The following ANO3 variants were observed in gnomAD, a reference collection of about 807,000 sequenced individuals.
The protein encoded by ANO3 is anoctamin 3, also known as anoctamin-3.
A neutral mutation model predicts 144.8 loss-of-function variants in ANO3; 99 were observed. The ratio of observed to expected loss-of-function variants is 0.68; its 90% CI spans 0.58 to 0.81. The LOEUF (loss-of-function observed/expected upper bound fraction) is 0.81, where lower values mean the gene tolerates loss of function less well. Among genes scored for constraint, ANO3 ranks in the 30% least tolerant of loss-of-function variants. The pLI, the probability that ANO3 is intolerant of heterozygous loss-of-function variation, is 0.00. For synonymous variants in ANO3, 414 were observed against 392.6 expected, an observed-to-expected ratio of 1.05 and a Z score of -0.64; for missense variants, 905 against 1,202.2, an observed-to-expected ratio of 0.75 and a Z score of 3.66.
intron 18 of ANO3, among the ~76,000 whole-genome samples, chr11:26,627,852 T>TGC (rs1554981578): frequency 1.1e-4 from 15 of 137,144 alleles, no homozygotes; most frequent in Admixed American, 7.2e-4. Context: ...TGTGTGTGTG[T>TGC]GTGCGCCTGA....
intron 4 of ANO3, among the ~76,000 whole-genome samples, chr11:26,465,255 G>T (rs1394958050): frequency 1.4e-5 from 2 of 145,652 alleles, no homozygotes; most frequent in East Asian, 4.1e-4. Context: ...AACTTCCTAT[G>T]GTTCAAATGA....
intron 1 of ANO3, among the ~76,000 whole-genome samples, chr11:26,344,898 A>G (rs1855461128): frequency 6.6e-6 from 1 of 152,194 alleles, no homozygotes; most frequent in African/African-American, 2.4e-5. Flanking sequence ...TAAATCATGG[A>G]TAGAAGTTAC....
chr11:26,652,136 G>T (rs1039947867), intron 24 of ANO3, among the ~76,000 whole-genome samples: 1 of 152,168 alleles, frequency 6.6e-6, no homozygotes. Flanking sequence ...CTGCACTCAT[G>T]CAGCTGCATG....
intron 8 of ANO3, among the ~76,000 whole-genome samples, chr11:26,533,579 G>A (rs933109667): frequency 3.9e-5 from 6 of 152,130 alleles, no homozygotes; most frequent in Non-Finnish European, 8.8e-5. Context: ...CACACTAAAA[G>A]TAAGGGAGTG....
rs553465497 is a variant in ANO3, at chr11:26,275,071, G to A, written c.155-34574G>A. Reference sequence around the variant, plus strand: ...ATCAATATGGTCATTGATTTCAGAGGAATTTTCTGTAAATTCTTTGATTTT... The same window carrying A: ...ATCAATATGGTCATTGATTTCAGAGAAATTTTCTGTAAATTCTTTGATTTT... On this transcript the variant is annotated intron_variant, in intron 1 of 27. Coordinates refer to the ANO3 transcript ENST00000672621. Among the ~76,000 whole-genome samples, 4 of 151,840 alleles carry A rather than the reference G, an allele frequency of 2.6e-5. No individual in the cohort carries two copies. In the South Asian group the frequency reaches 8.3e-4, roughly 32 times the overall value.
At chr11:26,243,708 G>A (rs1324801487) in intron 1 of ANO3, among the ~76,000 whole-genome samples, 1 of 152,094 alleles carries the variant, frequency 6.6e-6, no homozygotes, top group African/African-American at 2.4e-5. Flanking sequence ...AAGATGTTAT[G>A]GAGGAATAGA....
At chr11:26,620,809 A>G (rs938956497) in intron 17 of ANO3, among the ~76,000 whole-genome samples, 1 of 152,218 alleles carries the variant, frequency 6.6e-6, no homozygotes, top group Admixed American at 6.5e-5. Context: ...GTTACCAATT[A>G]CAGTGCAAAT....
chr11:26,236,648 C>A (rs1041203364), intron 1 of ANO3, among the ~76,000 whole-genome samples: 14 of 151,866 alleles, frequency 9.2e-5, no homozygotes, highest in Non-Finnish European at 1.9e-4. Flanking sequence ...GAAACCCTGT[C>A]TCTACTAAAA....
chr11:26,504,800 G>T (rs1340629538), intron 4 of ANO3, among the ~76,000 whole-genome samples: 16 of 20,792 alleles, frequency 7.7e-4, no homozygotes, highest in African/African-American at 1.8e-3. Context: ...AAGGCGGGCA[G>T]ATCACAAAGT....
intron 9 of ANO3, among the ~76,000 whole-genome samples, chr11:26,536,317 TCA>T (rs1849508721): frequency 7.2e-6 from 1 of 138,714 alleles, no homozygotes. Flanking sequence ...AGACTCTGTC[TCA>T]AAAAAAAAAA....
rs1245354677 is a variant in ANO3, at chr11:26,293,545, A to ATATC, written c.155-16097_155-16096insCTAT. 8.3e-5 allele frequency among the ~76,000 whole-genome samples: 10 copies of ATATC among 120,858 alleles called. No homozygotes were observed. The East Asian group carries it at 2.5e-3, about 30-fold the overall frequency. 79.3% of individuals were successfully genotyped at this position (120,858 alleles called of 152,430 possible). A position where few individuals can be genotyped will look rare whatever the true frequency, so the allele number is the denominator to read the frequency against. Reference sequence around the variant, plus strand: ...CTATAAATTCCATGTATATATATATATATATATATATATATATATATATAT... The same window carrying ATATC: ...CTATAAATTCCATGTATATATATATATATCTATATATATATATATATATATATAT... On this transcript the variant is annotated intron_variant, in intron 1 of 27. Coordinates refer to the ANO3 transcript ENST00000672621.
intron 14 of ANO3, among the ~76,000 whole-genome samples, chr11:26,574,678 A>G (rs1033776987): frequency 2.6e-5 from 4 of 152,128 alleles, no homozygotes; most frequent in African/African-American, 9.7e-5. Context: ...TCAATATTCT[A>G]TTAGGATAGA....
chr11:26,571,834 T>G (rs1437710686), intron 14 of ANO3, among the ~76,000 whole-genome samples: 1 of 152,154 alleles, frequency 6.6e-6, no homozygotes, highest in African/African-American at 2.4e-5. Flanking sequence ...TAAAGCTAAC[T>G]CATTTAGGAG....
At chr11:26,613,603 G>A (rs1036849120) in intron 17 of ANO3, among the ~76,000 whole-genome samples, 8 of 152,150 alleles carry the variant, frequency 5.3e-5, no homozygotes, top group Non-Finnish European at 1.2e-4. Context: ...CAAATCTAGT[G>A]TAAATTTGTT....
intron 1 of ANO3, among the ~76,000 whole-genome samples, chr11:26,366,769 A>C (rs1274733195): frequency 6.7e-6 from 1 of 148,204 alleles, no homozygotes; most frequent in Non-Finnish European, 1.5e-5. Context: ...GGCTGCATAA[A>C]TGTCTTCTTT....
At chr11:26,593,004 T>C (rs1387912169) in intron 14 of ANO3, among the ~76,000 whole-genome samples, 2 of 152,064 alleles carry the variant, frequency 1.3e-5, no homozygotes, top group Non-Finnish European at 2.9e-5. Flanking sequence ...TTACAGTTCT[T>C]TTGTCTTCAA....
chr11:26,616,294 G>A (rs1590635551), intron 17 of ANO3, among the ~76,000 whole-genome samples: 1 of 152,152 alleles, frequency 6.6e-6, no homozygotes, highest in East Asian at 1.9e-4. Flanking sequence ...GGTAATCAAT[G>A]TTAATGTAGG....
chr11:26,508,334 A>G (rs768733707), intron 5 of ANO3, 72 bp downstream of exon 5: 1 of 1,377,780 alleles, frequency 7.3e-7, no homozygotes, highest in Non-Finnish European at 9.8e-7. Context: ...TGGTTTAGAA[A>G]GAAAAATATG....
chr11:26,331,985 C>T, upstream of ANO3: 1 of 711,510 alleles, frequency 1.4e-6, no homozygotes, highest in South Asian at 2.0e-5. Context: ...CACTCCCAGC[C>T]AACCCCGCTC....
Sources: allele counts gnomAD v4.1 joint callset (sites outside exome capture counted in the v4.1 genomes callset), GRCh38; gene constraint gnomAD v4.1.1; transcripts MANE v1.5; gene names NCBI Gene and HGNC (gene_info 2026-07-23, HGNC 2026-07-21).